The following CNTNAP2 variants were observed in gnomAD, a reference collection of about 807,000 sequenced individuals.
CNTNAP2 encodes contactin associated protein 2, also known as contactin-associated protein-like 2.
A neutral mutation model predicts 155.2 loss-of-function variants in CNTNAP2; 98 were observed. That is an observed-to-expected ratio of 0.63 (90% CI 0.54 to 0.75). The LOEUF is 0.75. CNTNAP2 is among the 30% of genes least tolerant of loss of function. The pLI is 0.00. For synonymous variants in CNTNAP2, 651 were observed against 631.2 expected (o/e 1.03, Z -0.47); for missense variants, 1,727 against 1,688.1 (o/e 1.02, Z -0.40).
At chr7:147,046,140 G>T (rs1202970330) in intron 4 of CNTNAP2, among the ~76,000 whole-genome samples, 1 of 152,070 alleles carries the variant, frequency 6.6e-6, no homozygotes, top group Non-Finnish European at 1.5e-5. Context: ...CAGGTAGTCT[G>T]GTACAGTGCC....
intron 1 of CNTNAP2, among the ~76,000 whole-genome samples, chr7:146,338,324 G>T (rs1801314492): frequency 6.6e-6 from 1 of 152,118 alleles, no homozygotes; most frequent in Non-Finnish European, 1.5e-5. Flanking sequence ...AACTAACAGA[G>T]ACTCTGTGCT....
At chr7:146,924,908 G>A (rs1429995217) in intron 3 of CNTNAP2, among the ~76,000 whole-genome samples, 2 of 151,998 alleles carry the variant, frequency 1.3e-5, no homozygotes, top group Admixed American at 1.3e-4. Context: ...GGCATGCCAA[G>A]AATTGTGATT....
intron 2 of CNTNAP2, among the ~76,000 whole-genome samples, chr7:146,780,054 A>T (rs1453887316): frequency 6.6e-6 from 1 of 152,214 alleles, no homozygotes; most frequent in African/African-American, 2.4e-5. Flanking sequence ...TGCTGGGTCA[A>T]ATGGTATTTC....
chr7:146,495,546 C>T (rs1584950993), intron 1 of CNTNAP2, among the ~76,000 whole-genome samples: 1 of 128,678 alleles, frequency 7.8e-6, no homozygotes, highest in African/African-American at 2.9e-5. Context: ...CCACCTCTAA[C>T]AGGTCATTTT....
intron 1 of CNTNAP2, among the ~76,000 whole-genome samples, chr7:146,764,149 T>C (rs1802154100): frequency 6.6e-6 from 1 of 152,148 alleles, no homozygotes; most frequent in Non-Finnish European, 1.5e-5. Flanking sequence ...GCCCAGCCCT[T>C]AGGAAGATTG....
intron 5 of CNTNAP2, among the ~76,000 whole-genome samples, chr7:147,110,514 C>G (rs1171508073): frequency 6.6e-6 from 1 of 152,096 alleles, no homozygotes; most frequent in Non-Finnish European, 1.5e-5. Context: ...ATTCTTGATG[C>G]TTTCCTTCCT....
intron 3 of CNTNAP2, among the ~76,000 whole-genome samples, chr7:146,887,067 C>A (rs1795680173): frequency 6.6e-6 from 1 of 151,930 alleles, no homozygotes; most frequent in Admixed American, 6.6e-5. Context: ...CTTATTTACT[C>A]TTCTATCCAT....
At chr7:148,178,573 T>C (rs1011246565) in intron 18 of CNTNAP2, among the ~76,000 whole-genome samples, 1 of 152,236 alleles carries the variant, frequency 6.6e-6, no homozygotes, top group Non-Finnish European at 1.5e-5. Flanking sequence ...AAATTGTTTA[T>C]AGCAAATTCA....
rs115359875 is a variant in CNTNAP2, at chr7:147,362,404, G to A, written c.1499-33205G>A. Among the ~76,000 whole-genome samples, 1,386 of 152,180 alleles carry A rather than the reference G, an allele frequency of 9.1e-3. 22 individuals carry two copies. The highest frequency in any genetic ancestry group is 0.031 in the African/African-American group (1,299 of 41,520). ...CCTGCCTCGGCCACACAAAGTGCTC[G>A]GATTACAGGCATGAGCCACCACTTC... On this transcript the variant is annotated intron_variant, in intron 9 of 23. Coordinates refer to ENST00000361727, the MANE Select transcript of CNTNAP2 (RefSeq NM_014141.6).
intron 23 of CNTNAP2, among the ~76,000 whole-genome samples, chr7:148,410,106 CT>C (rs1466885009): frequency 6.7e-6 from 1 of 149,462 alleles, no homozygotes; most frequent in African/African-American, 2.5e-5. Context: ...AACCTGGCTA[CT>C]TTTTAATGCT....
chr7:147,936,878 T>C (rs1800619164), intron 14 of CNTNAP2, among the ~76,000 whole-genome samples: 1 of 152,090 alleles, frequency 6.6e-6, no homozygotes, highest in Admixed American at 6.6e-5. Flanking sequence ...GTTTCTGTGC[T>C]CCCTTGATAC....
chr7:147,072,096 G>T (rs1278218626), intron 4 of CNTNAP2, among the ~76,000 whole-genome samples: 6 of 152,102 alleles, frequency 3.9e-5, no homozygotes, highest in Admixed American at 3.9e-4. Flanking sequence ...TGATCTGAGG[G>T]AGAACTTCTC....
At chr7:146,381,614 A>G (rs973026267) in intron 1 of CNTNAP2, among the ~76,000 whole-genome samples, 2 of 151,406 alleles carry the variant, frequency 1.3e-5, no homozygotes, top group Non-Finnish European at 2.9e-5. Context: ...GTTGTCAAAT[A>G]AACAGAGAAG....
chr7:147,677,217 A>G (rs1251638593), intron 13 of CNTNAP2, among the ~76,000 whole-genome samples: 3 of 151,802 alleles, frequency 2.0e-5, no homozygotes, highest in Non-Finnish European at 4.4e-5. Context: ...GTATGAGGTC[A>G]TGTCACATTG....
intron 2 of CNTNAP2, among the ~76,000 whole-genome samples, chr7:146,818,252 C>T (rs1192204524): frequency 6.6e-6 from 1 of 152,104 alleles, no homozygotes; most frequent in Admixed American, 6.6e-5. Flanking sequence ...CAAATAATAT[C>T]AAGAGACTGT....
At chr7:146,784,318 C>T (rs1243598414) in intron 2 of CNTNAP2, among the ~76,000 whole-genome samples, 3 of 152,138 alleles carry the variant, frequency 2.0e-5, no homozygotes, top group Non-Finnish European at 4.4e-5. Flanking sequence ...AATTTTCTAA[C>T]ACTCTCTTTA....
chr7:148,056,551 A>G (rs185976707), intron 15 of CNTNAP2: 1 of 152,360 alleles, frequency 6.6e-6, no homozygotes, highest in East Asian at 1.9e-4. Context: ...AACCCAGAGT[A>G]GCATAGCATA....
chr7:148,335,312 G>A (rs1798099080), intron 21 of CNTNAP2, among the ~76,000 whole-genome samples: 2 of 152,176 alleles, frequency 1.3e-5, no homozygotes, highest in South Asian at 4.1e-4. Context: ...CCTTTGAAAA[G>A]AACACACAGC....
chr7:147,580,163 C>A (rs1486705054), intron 12 of CNTNAP2, among the ~76,000 whole-genome samples: 1 of 152,100 alleles, frequency 6.6e-6, no homozygotes, highest in African/African-American at 2.4e-5. Context: ...TCTGTCCTTC[C>A]AACTATAACT....
Sources: gnomAD v4.1 joint callset for allele counts (sites outside exome capture counted in the v4.1 genomes callset) on GRCh38, gnomAD v4.1.1 for gene constraint, MANE v1.5 for transcripts, NCBI Gene and HGNC (gene_info 2026-07-23, HGNC 2026-07-21) for gene names.